FAM107A: variants seen among roughly 807,000 people sequenced by gnomAD.
FAM107A encodes actin-associated protein FAM107A.
FAM107A carries 19 observed loss-of-function variants against 13.7 expected under a neutral mutation model. The ratio of observed to expected loss-of-function variants is 1.38; its 90% confidence interval spans 0.97 to 2.03. The LOEUF (loss-of-function observed/expected upper bound fraction) is 2.03, where lower values mean the gene tolerates loss of function less well. Among genes scored for constraint, FAM107A ranks in the 30% most tolerant of loss-of-function variants. The probability of loss-of-function intolerance (pLI) is 0.00; values close to 1 mark genes in which losing one functional copy is unlikely to be tolerated. For missense variants in FAM107A, 203 were observed against 184.4 expected (o/e 1.10, Z -0.58); for synonymous variants, 82 against 74.5 (o/e 1.10, Z -0.52).
At chr3:58,611,098 T>A (rs1212455315) in intron 1 of FAM107A, among the ~76,000 whole-genome samples, 1 of 152,200 alleles carries the variant, frequency 6.6e-6, no homozygotes, top group East Asian at 1.9e-4. Context: ...GTGAAGAAAG[T>A]GCCTTTCTTT....
chr3:58,606,976 A>C (rs2108074673), intron 1 of FAM107A: 1 of 152,342 alleles, frequency 6.6e-6, no homozygotes, highest in South Asian at 2.1e-4. Context: ...TAGGTCCTGA[A>C]GACTTCATTT....
chr3:58,595,597 T>C (rs2065700528), intron 1 of FAM107A, among the ~76,000 whole-genome samples: 1 of 152,108 alleles, frequency 6.6e-6, no homozygotes, highest in Non-Finnish European at 1.5e-5. Context: ...CCACCGCCTA[T>C]CCCAAACCTA....
At position 58,566,474 on chromosome 3, in the gene FAM107A, G is replaced by C. The variant is rs889058988; in HGVS notation, c.*114C>G. 1 of 761,808 alleles carries C rather than the reference G, an allele frequency of 1.3e-6. No individual in the cohort carries two copies. Among genetic ancestry groups the C allele is most frequent in the Non-Finnish European group, 2.2e-6 (1 of 452,922 alleles). The allele number at this position is 761,808 out of a possible 1,614,324, so 47.2% of individuals were successfully genotyped here. ...GGGGTGACACATTTCTACAGAAGCA[G>C]GTGGGAACATCACAGACGTCCCAGG... On this transcript the variant is annotated 3_prime_UTR_variant, in exon 4 of 4. Transcript: ENST00000360997.
rs2065757963 is a variant in FAM107A, at chr3:58,602,150, C to T, written c.-69-12881G>A. Among the ~76,000 whole-genome samples, 3 of 152,140 alleles carry T rather than the reference C, an allele frequency of 2.0e-5. No individual in the cohort carries two copies. The South Asian group carries it at 6.2e-4, about 32-fold the overall frequency. On this transcript the variant is annotated intron_variant, in intron 1 of 3. Transcript: ENST00000465970. ...GAGAGAAGACACCCAACAGGCTTTG[C>T]CAATGACTGGACAAGGGCAGTTCTC...
intron 1 of FAM107A, among the ~76,000 whole-genome samples, chr3:58,609,651 T>G (rs137981004): frequency 3.3e-5 from 5 of 152,252 alleles, no homozygotes; most frequent in African/African-American, 1.2e-4. Context: ...CTACAGCCGC[T>G]TTTTGTTTTT....
chr3:58,596,161 G>T (rs899126504), intron 1 of FAM107A, among the ~76,000 whole-genome samples: 9 of 152,110 alleles, frequency 5.9e-5, no homozygotes, highest in African/African-American at 1.9e-4. Flanking sequence ...TGTCCTGATT[G>T]TTGAGAAAAA....
intron 1 of FAM107A, among the ~76,000 whole-genome samples, chr3:58,602,529 A>G (rs2065761471): frequency 1.3e-5 from 2 of 152,354 alleles, no homozygotes; most frequent in Middle Eastern, 3.4e-3. Context: ...ATTGTTCAAG[A>G]TAATAAAAAG....
chr3:58,586,836 G>C, intron 1 of FAM107A: 3 of 1,521,940 alleles, frequency 2.0e-6, no homozygotes, highest in Non-Finnish European at 2.6e-6. Flanking sequence ...CCCGCGGCGA[G>C]GGTGGCGTTG....
chr3:58,621,312 G>A (rs1292484929), intron 1 of FAM107A, among the ~76,000 whole-genome samples: 1 of 152,148 alleles, frequency 6.6e-6, no homozygotes, highest in Non-Finnish European at 1.5e-5. Context: ...ACTAAGGACT[G>A]GGGCCAGCTT....
intron 1 of FAM107A, among the ~76,000 whole-genome samples, chr3:58,611,687 T>C (rs1169116743): frequency 6.6e-6 from 1 of 152,108 alleles, no homozygotes; most frequent in Non-Finnish European, 1.5e-5. Flanking sequence ...GCTGCCTGGG[T>C]CTGATTCCTG....
upstream of FAM107A, chr3:58,589,194 G>A (rs537628783): frequency 3.3e-6 from 5 of 1,517,688 alleles, no homozygotes; most frequent in Admixed American, 2.0e-5. Context: ...AATTCTAGCG[G>A]GTCTGACTTA....
intron 1 of FAM107A, among the ~76,000 whole-genome samples, chr3:58,626,777 A>G (rs1183564237): frequency 6.6e-6 from 1 of 152,070 alleles, no homozygotes; most frequent in African/African-American, 2.4e-5. Context: ...CTAGAGATGG[A>G]GAGATAGGAC....
At chr3:58,588,217 G>C (rs9311678), upstream of FAM107A, among the ~76,000 whole-genome samples, 8,240 of 152,288 alleles carry the variant, frequency 0.054, 743 homozygotes, top group African/African-American at 0.19. Flanking sequence ...GAGCTGTCCA[G>C]GGTACTGGAT....
intron 1 of FAM107A, among the ~76,000 whole-genome samples, chr3:58,616,565 A>ACAC (rs1174901309): frequency 3.5e-5 from 5 of 144,782 alleles, no homozygotes; most frequent in African/African-American, 1.0e-4. Context: ...ACACACACAC[A>ACAC]CACCACCACT....
At chr3:58,572,684 T>C (rs544675346) in intron 1 of FAM107A, 1 of 66,600 alleles carries the variant, frequency 1.5e-5, no homozygotes, top group Non-Finnish European at 4.5e-5. Flanking sequence ...GGCCTTGGGA[T>C]GTTTTGACTT....
chr3:58,582,475 A>G (rs2065559124), upstream of FAM107A, among the ~76,000 whole-genome samples: 1 of 151,960 alleles, frequency 6.6e-6, no homozygotes, highest in South Asian at 2.1e-4. Context: ...ATGCAGGTTA[A>G]CGCCCCTCAA....
intron 1 of FAM107A, among the ~76,000 whole-genome samples, chr3:58,584,542 G>C (rs941928465): frequency 1.1e-4 from 17 of 152,140 alleles, no homozygotes; most frequent in Non-Finnish European, 1.8e-4. Flanking sequence ...CATGGGCAAG[G>C]TGCTTAAGCT....
intron 1 of FAM107A, among the ~76,000 whole-genome samples, chr3:58,576,723 T>C (rs1463395933): frequency 6.6e-6 from 1 of 152,248 alleles, no homozygotes; most frequent in African/African-American, 2.4e-5. Context: ...CTTCACACGT[T>C]AACCTGCGTG....
At chr3:58,596,397 G>C (rs1559482738) in intron 1 of FAM107A, among the ~76,000 whole-genome samples, 3 of 151,470 alleles carry the variant, frequency 2.0e-5, no homozygotes, top group Non-Finnish European at 1.5e-5. Context: ...TGAGGTGTAG[G>C]CTGGGTGCGG....
Sources: gnomAD v4.1 joint callset for allele counts (sites outside exome capture counted in the v4.1 genomes callset) on GRCh38, gnomAD v4.1.1 for gene constraint, MANE v1.5 for transcripts, NCBI Gene and HGNC (gene_info 2026-07-23, HGNC 2026-07-21) for gene names.